ERC2: variants seen among roughly 807,000 people sequenced by gnomAD.
ERC2 encodes the protein ERC protein 2.
In ERC2, 42 loss-of-function variants were observed where a neutral mutation model predicts 114.8. That is an observed-to-expected ratio of 0.37 (90% CI 0.29 to 0.47). The LOEUF (loss-of-function observed/expected upper bound fraction) is 0.47. ERC2 is among the 20% of genes least tolerant of loss of function. ERC2 has a pLI of 0.99. For synonymous variants in ERC2, 454 were observed against 425.5 expected, an observed-to-expected ratio of 1.07 and a Z score of -0.82; for missense variants, 939 against 1,150.7, an observed-to-expected ratio of 0.82 and a Z score of 2.66.
chr3:55,981,062 C>T (rs1430744908), intron 12 of ERC2, among the ~76,000 whole-genome samples: 2 of 152,208 alleles, frequency 1.3e-5, no homozygotes, highest in African/African-American at 4.8e-5. Flanking sequence ...TTAGTCATGG[C>T]AAGTCCCACC....
intron 7 of ERC2, among the ~76,000 whole-genome samples, chr3:56,047,919 A>G (rs1402412791): frequency 6.6e-6 from 1 of 152,160 alleles, no homozygotes; most frequent in African/African-American, 2.4e-5. Flanking sequence ...CCCACAAAAA[A>G]AGAAGCAGCT....
intron 2 of ERC2, among the ~76,000 whole-genome samples, chr3:56,388,058 T>C (rs1327421972): frequency 6.6e-6 from 1 of 152,170 alleles, no homozygotes; most frequent in East Asian, 1.9e-4. Flanking sequence ...CATATTTACA[T>C]ATACAAATCC....
At chr3:56,225,951 C>T (rs2050222309) in intron 3 of ERC2, among the ~76,000 whole-genome samples, 1 of 152,198 alleles carries the variant, frequency 6.6e-6, no homozygotes, top group African/African-American at 2.4e-5. Context: ...TAAGCACTAG[C>T]ATTTATGGCA....
intron 14 of ERC2, among the ~76,000 whole-genome samples, chr3:55,882,093 T>A (rs1002682423): frequency 1.3e-5 from 2 of 152,160 alleles, no homozygotes; most frequent in African/African-American, 4.8e-5. Context: ...GGTGTTTGGG[T>A]TGTGGGGTGA....
At chr3:55,525,345 C>A (rs969474176) in intron 17 of ERC2, among the ~76,000 whole-genome samples, 1 of 152,180 alleles carries the variant, frequency 6.6e-6, no homozygotes, top group Admixed American at 6.5e-5. Context: ...AAACCCTAAT[C>A]TGGGAGACTT....
At chr3:56,218,891 A>G (rs1184809267) in intron 3 of ERC2, among the ~76,000 whole-genome samples, 1 of 152,162 alleles carries the variant, frequency 6.6e-6, no homozygotes, top group African/African-American at 2.4e-5. Flanking sequence ...TCGCAAGGAC[A>G]AAAAACCAAA....
chr3:56,158,866 T>C (rs1006804145), intron 4 of ERC2, among the ~76,000 whole-genome samples: 47 of 152,126 alleles, frequency 3.1e-4, no homozygotes, highest in African/African-American at 1.1e-3. Flanking sequence ...AGCACATTAT[T>C]GAAAACATGA....
intron 14 of ERC2, among the ~76,000 whole-genome samples, chr3:55,763,463 G>C (rs1440348505): frequency 6.6e-6 from 1 of 152,094 alleles, no homozygotes; most frequent in Admixed American, 6.5e-5. Flanking sequence ...TAGATGCATC[G>C]GGTGTGTCTT....
chr3:55,736,993 G>A (rs928696153), intron 14 of ERC2, among the ~76,000 whole-genome samples: 3 of 152,076 alleles, frequency 2.0e-5, no homozygotes, highest in Non-Finnish European at 2.9e-5. Context: ...TAGACACTTT[G>A]GAAGACCCCA....
chr3:56,238,354 T>C (rs1487679093), intron 3 of ERC2, among the ~76,000 whole-genome samples: 1 of 152,182 alleles, frequency 6.6e-6, no homozygotes, highest in Non-Finnish European at 1.5e-5. Context: ...GTTCAGAGGA[T>C]GTAATCTGAG....
chr3:55,851,960 C>T (rs2061591903), intron 14 of ERC2, among the ~76,000 whole-genome samples: 2 of 152,210 alleles, frequency 1.3e-5, no homozygotes, highest in East Asian at 1.9e-4. Context: ...CAGCGGCTCA[C>T]GCCTGTTACC....
chr3:55,516,741 A>G (rs1575442488), intron 17 of ERC2, among the ~76,000 whole-genome samples: 1 of 152,240 alleles, frequency 6.6e-6, no homozygotes. Flanking sequence ...AAATGGCAGC[A>G]CAGACTGCTA....
At chr3:55,776,129 T>C (rs886602129) in intron 14 of ERC2, among the ~76,000 whole-genome samples, 12 of 151,744 alleles carry the variant, frequency 7.9e-5, no homozygotes, top group Middle Eastern at 3.4e-3. Flanking sequence ...TTCTGGCTCT[T>C]TAGAATGTTA....
chr3:56,320,857 T>C (rs888239147), intron 2 of ERC2, among the ~76,000 whole-genome samples: 2 of 152,164 alleles, frequency 1.3e-5, no homozygotes, highest in African/African-American at 4.8e-5. Flanking sequence ...ATCCCAAATC[T>C]CTATGGCTTA....
intron 3 of ERC2, among the ~76,000 whole-genome samples, chr3:56,276,561 T>C (rs146053005): frequency 9.9e-5 from 15 of 152,092 alleles, no homozygotes; most frequent in African/African-American, 3.4e-4. Context: ...AAAGTAACCA[T>C]GGCATATTGT....
chr3:55,949,385 A>G (rs1021891912), intron 13 of ERC2, among the ~76,000 whole-genome samples: 34 of 151,928 alleles, frequency 2.2e-4, no homozygotes, highest in African/African-American at 7.7e-4. Flanking sequence ...GAAAAAAAAA[A>G]GTTTTGGGCC....
chr3:55,508,648 A>G lies in ERC2; in HGVS notation c.*2668T>C, dbSNP rs572116566. Reference sequence around the variant, plus strand: ...GGGCAGCATTCAATCGCCACTCTACACAAAAACATTGCAGATAGAGCTTAC... The same window carrying G: ...GGGCAGCATTCAATCGCCACTCTACGCAAAAACATTGCAGATAGAGCTTAC... On this transcript the variant is annotated 3_prime_UTR_variant, in exon 18 of 18. Transcript: ENST00000288221. 1 of 152,740 alleles carries G rather than the reference A, an allele frequency of 6.5e-6. No individual in the cohort carries two copies. The highest frequency in any genetic ancestry group is 6.5e-5 in the Admixed American group (1 of 15,294). The allele number at this position is 152,740 out of a possible 1,614,324, so 9.5% of individuals were successfully genotyped here.
rs2072022497 is a variant in ERC2, at chr3:56,001,157, G to C, written c.2061+6024C>G. The stretch of plus-strand genomic sequence containing the variant: ...GGAAGGAGAAGGCAAGAGGAGAGAG[G>C]AAAGAAAGAAGAAAAGAAAAAGAGA... On this transcript the variant is annotated intron_variant, in intron 10 of 17. Transcript: ENST00000288221. Among the ~76,000 whole-genome samples the C allele has an allele frequency of 1.3e-5, 2 of 150,926 alleles. 1 individual carries two copies. Among genetic ancestry groups the C allele is most frequent in the Non-Finnish European group, 3.0e-5 (2 of 67,694 alleles).
At chr3:55,757,110 G>A (rs2067112360) in intron 14 of ERC2, among the ~76,000 whole-genome samples, 2 of 152,048 alleles carry the variant, frequency 1.3e-5, no homozygotes, top group Non-Finnish European at 2.9e-5. Context: ...GGTGTATGTG[G>A]GTATTCAGAA....
Sources: gnomAD v4.1 joint callset for allele counts (sites outside exome capture counted in the v4.1 genomes callset) on GRCh38, gnomAD v4.1.1 for gene constraint, MANE v1.5 for transcripts, NCBI Gene and HGNC (gene_info 2026-07-23, HGNC 2026-07-21) for gene names.